The following DCPS variants were observed in gnomAD, a reference collection of about 807,000 sequenced individuals.
The protein encoded by DCPS is m7GpppX diphosphatase.
A neutral mutation model predicts 34.7 loss-of-function variants in DCPS; 27 were observed. The ratio of observed to expected loss-of-function variants is 0.78; its 90% CI spans 0.57 to 1.07. DCPS has a LOEUF of 1.07. Ranked by LOEUF, DCPS falls within the 50% of genes least tolerant of loss-of-function variation. The pLI is 0.00. For synonymous variants in DCPS, 185 were observed against 185.7 expected (o/e 1.00, Z 0.03); for missense variants, 464 against 436.9 (o/e 1.06, Z -0.55).
intron 1 of DCPS, among the ~76,000 whole-genome samples, chr11:126,306,322 A>C (rs1336697957): frequency 6.6e-6 from 1 of 152,006 alleles, no homozygotes; most frequent in African/African-American, 2.4e-5. Context: ...GCAGTGAGCC[A>C]AGATCGCGCC....
At chr11:126,316,660 A>G (rs1951661109) in intron 2 of DCPS, among the ~76,000 whole-genome samples, 1 of 128,056 alleles carries the variant, frequency 7.8e-6, no homozygotes, top group Admixed American at 7.8e-5. Flanking sequence ...TTTTTTTTTC[A>G]TGTTTTTCTT....
intron 4 of DCPS, among the ~76,000 whole-genome samples, chr11:126,340,621 A>C (rs938141407): frequency 6.6e-6 from 1 of 152,238 alleles, no homozygotes; most frequent in Non-Finnish European, 1.5e-5. Flanking sequence ...CTGGGCTTCT[A>C]TCCTTTGTCT....
intron 2 of DCPS, among the ~76,000 whole-genome samples, chr11:126,309,713 T>G (rs1951605722): frequency 6.6e-6 from 1 of 152,198 alleles, no homozygotes; most frequent in South Asian, 2.1e-4. Flanking sequence ...GCGGTTTGCT[T>G]CAGGGCCCGG....
chr11:126,306,511 T>C, intron 1 of DCPS, 59 bp from the exon 2 acceptor site: 2 of 1,473,690 alleles, frequency 1.4e-6, no homozygotes, highest in East Asian at 4.9e-5. Flanking sequence ...TCTGTCTTGC[T>C]CTCCAGAGTC....
rs1054646675 is a variant in DCPS, at chr11:126,344,277, A to G, written c.747+860A>G. On this transcript the variant is annotated intron_variant, in intron 5 of 5. Coordinates refer to ENST00000263579, the MANE Select transcript of DCPS (RefSeq NM_014026.6). This position sits in a 1 kb window ranked among gnomAD's most constrained non-coding sequence, Gnocchi z 8.1. ...TTCCCCTGCTGCTGGGCCCCGATCTATCTTCCCTCCTGCTCACCCACGGCA... is the reference window on the plus strand; with the variant it reads ...TTCCCCTGCTGCTGGGCCCCGATCTGTCTTCCCTCCTGCTCACCCACGGCA... Among the ~76,000 whole-genome samples, 3 of 152,070 alleles carry G rather than the reference A, an allele frequency of 2.0e-5. No individual in the cohort carries two copies. The highest frequency in any genetic ancestry group is 4.4e-5 in the Non-Finnish European group (3 of 68,002).
At chr11:126,339,511 G>A (rs926991881) in intron 4 of DCPS, among the ~76,000 whole-genome samples, 7 of 152,224 alleles carry the variant, frequency 4.6e-5, no homozygotes, top group African/African-American at 7.2e-5. Context: ...AGCATAATTC[G>A]TCTCTTGACA....
At chr11:126,309,033 T>A (rs1256892055) in intron 2 of DCPS, among the ~76,000 whole-genome samples, 1 of 151,014 alleles carries the variant, frequency 6.6e-6, no homozygotes, top group Non-Finnish European at 1.5e-5. Context: ...CCTTTTTTTT[T>A]TTTTTTTTGA....
rs1282650614 is a variant in DCPS at position 126,315,042 on chromosome 11, T to C, written c.376+8298T>C. On this transcript the variant is annotated intron_variant, in intron 2 of 5. Coordinates refer to ENST00000263579, the MANE Select transcript of DCPS (RefSeq NM_014026.6). This position sits in a 1 kb window ranked among gnomAD's most constrained non-coding sequence, Gnocchi z 6.1. ...AAAGACACATGCACACATATGTTCA[T>C]TGTAGAGCTATTCATGATAGCAAAG... is the stretch of plus-strand genomic sequence containing the variant. Among the ~76,000 whole-genome samples, 1 of 152,060 alleles carries C rather than the reference T, an allele frequency of 6.6e-6. No individual in the cohort carries two copies. Among genetic ancestry groups the C allele is most frequent in the Non-Finnish European group, 1.5e-5 (1 of 68,036 alleles).
At chr11:126,305,413 CTTTTTTTT>C (rs1165260410) in intron 1 of DCPS, among the ~76,000 whole-genome samples, 3 of 68,296 alleles carry the variant, frequency 4.4e-5, no homozygotes, top group Non-Finnish European at 8.3e-5. Flanking sequence ...CCGCACCCGC[CTTTTTTTT>C]TTTTTTTTTT....
In DCPS at chr11:126,319,270, A is replaced by C. The variant is rs553565697; in HGVS notation, c.377-12135A>C. ...CCCCTCTTCTGGGACTTCCCCCTTC[A>C]TGCCTCCCACCCCATAATCTAACAC... is the stretch of plus-strand genomic sequence containing the variant. On this transcript the variant is annotated intron_variant, in intron 2 of 5. Transcript: ENST00000263579. The surrounding 1 kb of genome is among the most constrained non-coding windows in gnomAD (Gnocchi z 4.5). Among the ~76,000 whole-genome samples the C allele has an allele frequency of 4.6e-4, 70 of 151,642 alleles. No individual in the cohort carries two copies. Among genetic ancestry groups the C allele is most frequent in the African/African-American group, 1.7e-3 (69 of 41,332 alleles).
Position 126,346,331 on chromosome 11 carries a change from C to T in DCPS, c.*718C>T, listed in dbSNP as rs572078947. Among the ~76,000 whole-genome samples, 1 of 152,266 alleles carries T rather than the reference C, an allele frequency of 6.6e-6. No individual in the cohort carries two copies. The highest frequency in any genetic ancestry group is 2.1e-4 in the South Asian group (1 of 4,828). ...ACAAAACAGACTCACATGAAGCAGCCAGAAGATCAAGTGCAAAACAGTGAA... is the reference window on the plus strand; with the variant it reads ...ACAAAACAGACTCACATGAAGCAGCTAGAAGATCAAGTGCAAAACAGTGAA... On this transcript the variant is annotated 3_prime_UTR_variant, in exon 6 of 6. Transcript: ENST00000263579. This position sits in a 1 kb window ranked among gnomAD's most constrained non-coding sequence, Gnocchi z 4.1.
Position 126,327,984 on chromosome 11 carries a change from A to G in DCPS, c.377-3421A>G, listed in dbSNP as rs1178350108. On this transcript the variant is annotated intron_variant, in intron 2 of 5. Transcript: ENST00000263579. This position sits in a 1 kb window ranked among gnomAD's most constrained non-coding sequence, Gnocchi z 4.1. The stretch of plus-strand genomic sequence containing the variant: ...CCGAGGTTAGGGCTGCTGTTTTACC[A>G]GAGCTGACCGAGCCTGAGGAGCTGG... Among the ~76,000 whole-genome samples the G allele has an allele frequency of 1.3e-5, 2 of 152,208 alleles. No homozygotes were observed. The highest frequency in any genetic ancestry group is 2.9e-5 in the Non-Finnish European group (2 of 68,026).
rs910324709 is a variant in DCPS, at chr11:126,334,328, A to T, written c.522+2778A>T. Among the ~76,000 whole-genome samples, 2 of 149,202 alleles carry T rather than the reference A, an allele frequency of 1.3e-5. No homozygotes were observed. Among genetic ancestry groups the T allele is most frequent in the African/African-American group, 5.2e-5 (2 of 38,828 alleles). On this transcript the variant is annotated intron_variant, in intron 3 of 5. Coordinates refer to ENST00000263579, the MANE Select transcript of DCPS (RefSeq NM_014026.6). The surrounding 1 kb of genome is among the most constrained non-coding windows in gnomAD (Gnocchi z 5.5). ...TAAGCATTTATGCGCATCACACCTC[A>T]TTTATTTATTTATTTATTATTTATT...
In DCPS at chr11:126,318,885, A is replaced by T. The variant is rs1198484394; in HGVS notation, c.376+12141A>T. On this transcript the variant is annotated intron_variant, in intron 2 of 5. Transcript: ENST00000263579. ...GTTTGTGTTTTCATGTTTCATGTGC[A>T]GCAGCATTTTCCTGGGGATTTGGCT... 2.0e-5 allele frequency among the ~76,000 whole-genome samples: 3 copies of T among 152,218 alleles called. No homozygotes were observed. In the East Asian group the frequency reaches 5.8e-4, roughly 29 times the overall value.
chr11:126,306,789 A>T (rs1387493248), intron 2 of DCPS, 45 bp downstream of exon 2: 1 of 1,566,798 alleles, frequency 6.4e-7, no homozygotes, highest in Non-Finnish European at 8.7e-7. Flanking sequence ...GGAGAATGGG[A>T]TGGTGGGAAA....
In DCPS at chr11:126,320,050, G is replaced by A. The variant is rs4937120; in HGVS notation, c.377-11355G>A. On this transcript the variant is annotated intron_variant, in intron 2 of 5. Coordinates refer to ENST00000263579, the MANE Select transcript of DCPS (RefSeq NM_014026.6). This position sits in a 1 kb window ranked among gnomAD's most constrained non-coding sequence, Gnocchi z 4.7. ...GAATCTTGCTCTGTCACCCAGGCTGGAGTGTAGTGAGGCGGTCTTGACTCT... is the reference window on the plus strand; with the variant it reads ...GAATCTTGCTCTGTCACCCAGGCTGAAGTGTAGTGAGGCGGTCTTGACTCT... 0.054 allele frequency among the ~76,000 whole-genome samples: 8,116 copies of A among 150,822 alleles called. 379 individuals are homozygous for A. The highest frequency in any genetic ancestry group is 0.17 in the East Asian group (888 of 5,104).
chr11:126,339,128 CAG>C (rs1471311960), intron 4 of DCPS, among the ~76,000 whole-genome samples: 1 of 152,224 alleles, frequency 6.6e-6, no homozygotes. Flanking sequence ...CACTGTGTTG[CAG>C]AGAGTGCTGT....
At chr11:126,306,328 G>A (rs1018504680) in intron 1 of DCPS, among the ~76,000 whole-genome samples, 1 of 151,708 alleles carries the variant, frequency 6.6e-6, no homozygotes, top group Non-Finnish European at 1.5e-5. Flanking sequence ...AGCCAAGATC[G>A]CGCCATTGCA....
chr11:126,305,784 G>A (rs556541840), intron 1 of DCPS, among the ~76,000 whole-genome samples: 7 of 152,068 alleles, frequency 4.6e-5, no homozygotes, highest in Admixed American at 1.3e-4. Context: ...CTGTTTTTTT[G>A]TATGCGATTC....
Sources: gnomAD v4.1 joint callset for allele counts (sites outside exome capture counted in the v4.1 genomes callset) on GRCh38, gnomAD v4.1.1 for gene constraint, Gnocchi (gnomAD v3.1) non-coding constraint, MANE v1.5 for transcripts, NCBI Gene and HGNC (gene_info 2026-07-23, HGNC 2026-07-21) for gene names.